Variants in GREB1L observed in about 807,000 individuals in gnomAD.
GREB1L encodes the protein GREB1-like protein.
Under a neutral mutation model 200.8 loss-of-function variants are expected in GREB1L, and 17 were observed. The ratio of observed to expected loss-of-function variants is 0.08; its 90% CI spans 0.06 to 0.13. GREB1L has a LOEUF of 0.13. Ranked by LOEUF, GREB1L falls within the 10% of genes least tolerant of loss-of-function variation. The probability of loss-of-function intolerance (pLI) is 1.00; values close to 1 mark genes in which losing one functional copy is unlikely to be tolerated. For synonymous variants in GREB1L, 789 were observed against 893.0 expected (o/e 0.88, Z 2.08); for missense variants, 1,657 against 2,367.7 (o/e 0.70, Z 6.23).
intron 28 of GREB1L, among the ~76,000 whole-genome samples, chr18:21,514,701 T>C (rs1162646913): frequency 6.6e-6 from 1 of 152,162 alleles, no homozygotes; most frequent in African/African-American, 2.4e-5. Flanking sequence ...CCTCCCAAAG[T>C]GTTGGGATTA....
intron 1 of GREB1L, among the ~76,000 whole-genome samples, chr18:21,332,665 G>A (rs992270950): frequency 6.6e-6 from 1 of 151,954 alleles, no homozygotes; most frequent in African/African-American, 2.4e-5. Context: ...AGTAGAGGTG[G>A]GTTTTCACCA....
intron 5 of GREB1L, among the ~76,000 whole-genome samples, 158 bp downstream of exon 5, chr18:21,395,719 CT>C (rs939042799): frequency 6.9e-4 from 100 of 144,864 alleles, no homozygotes; most frequent in East Asian, 1.4e-3. Flanking sequence ...TTAGTAACTT[CT>C]TTTTTTTTTT....
intron 1 of GREB1L, among the ~76,000 whole-genome samples, chr18:21,324,840 A>G (rs1386012883): frequency 6.6e-6 from 1 of 152,170 alleles, no homozygotes; most frequent in Non-Finnish European, 1.5e-5. Context: ...AAATGCTTCT[A>G]AGGAGAATTA....
intron 1 of GREB1L, among the ~76,000 whole-genome samples, chr18:21,251,850 CAGG>C: frequency 6.7e-6 from 1 of 148,528 alleles, no homozygotes; most frequent in East Asian, 2.0e-4. Flanking sequence ...GAGGCTGAGG[CAGG>C]AGAATCGCTT....
chr18:21,398,499 T>G (rs758407857), intron 5 of GREB1L, among the ~76,000 whole-genome samples: 11 of 152,206 alleles, frequency 7.2e-5, no homozygotes, highest in Non-Finnish European at 2.9e-5. Flanking sequence ...AATTTTTTAC[T>G]AACCACTTCT....
chr18:21,303,135 A>T (rs1340587413), intron 1 of GREB1L, among the ~76,000 whole-genome samples: 9 of 152,162 alleles, frequency 5.9e-5, no homozygotes, highest in Non-Finnish European at 8.8e-5. Flanking sequence ...GGGAGCCACC[A>T]TGCCCAGCCC....
intron 12 of GREB1L, 148 bp from the exon 13 acceptor site, chr18:21,450,875 G>T (rs1429655310): frequency 1.6e-6 from 1 of 637,582 alleles, no homozygotes; most frequent in East Asian, 2.8e-5. Context: ...CTATATAATT[G>T]TCCATACCTT....
rs150366236 is a variant in GREB1L at position 21,369,693 on chromosome 18, T to G, written c.-10+3557T>G. 3.9e-5 allele frequency among the ~76,000 whole-genome samples: 6 copies of G among 152,258 alleles called. No individual in the cohort carries two copies. In the East Asian group the frequency reaches 1.2e-3, roughly 29 times the overall value. On this transcript the variant is annotated intron_variant, in intron 2 of 32. Coordinates refer to ENST00000424526, the MANE Select transcript of GREB1L (RefSeq NM_001142966.3). ...TAGGATTAAGTTAATAGGGTTGGGT[T>G]TTTATTTGAATACCTAAAATACTTT...
At chr18:21,397,324 C>T (rs1432309272) in intron 5 of GREB1L, among the ~76,000 whole-genome samples, 1 of 151,078 alleles carries the variant, frequency 6.6e-6, no homozygotes, top group African/African-American at 2.4e-5. Flanking sequence ...AACCCCGTCT[C>T]TACTAAAAAA....
chr18:21,314,473 C>A (rs2038838598), intron 1 of GREB1L, among the ~76,000 whole-genome samples: 1 of 152,092 alleles, frequency 6.6e-6, no homozygotes, highest in Non-Finnish European at 1.5e-5. Flanking sequence ...TGATAAGTGT[C>A]TGTTGAATAG....
chr18:21,494,067 C>A (rs2036449972), intron 19 of GREB1L, among the ~76,000 whole-genome samples: 1 of 151,992 alleles, frequency 6.6e-6, no homozygotes, highest in Non-Finnish European at 1.5e-5. Context: ...AAAGTGATTT[C>A]TATTCCAGAA....
At chr18:21,446,911 A>G (rs940313068) in intron 11 of GREB1L, among the ~76,000 whole-genome samples, 5 of 152,222 alleles carry the variant, frequency 3.3e-5, no homozygotes, top group Non-Finnish European at 5.9e-5. Flanking sequence ...AAATCTTTGA[A>G]GTAGATAATG....
chr18:21,360,980 A>G (rs2039572271), intron 1 of GREB1L, among the ~76,000 whole-genome samples: 2 of 152,218 alleles, frequency 1.3e-5, no homozygotes, highest in Admixed American at 1.3e-4. Context: ...TTGGATAACA[A>G]GGGTAGAATA....
intron 5 of GREB1L, among the ~76,000 whole-genome samples, chr18:21,399,453 T>TGGATGGATGGA (rs2041220148): frequency 6.8e-6 from 1 of 146,086 alleles, no homozygotes; most frequent in South Asian, 2.2e-4. Context: ...GGATGGATGG[T>TGGATGGATGGA]TGGATGGATG....
chr18:21,341,669 G>A (rs2039272253), intron 1 of GREB1L, among the ~76,000 whole-genome samples: 1 of 152,106 alleles, frequency 6.6e-6, no homozygotes, highest in Admixed American at 6.6e-5. Context: ...CACCACACCT[G>A]GCTACTTATT....
chr18:21,300,411 C>G (rs2038598674), intron 1 of GREB1L, among the ~76,000 whole-genome samples: 2 of 152,204 alleles, frequency 1.3e-5, no homozygotes, highest in African/African-American at 4.8e-5. Context: ...AGAAATTATA[C>G]AAATAGAAAC....
chr18:21,365,869 T>G (rs2039666247), intron 1 of GREB1L, among the ~76,000 whole-genome samples, 158 bp from the exon 2 acceptor site: 1 of 152,130 alleles, frequency 6.6e-6, no homozygotes, highest in African/African-American at 2.4e-5. Flanking sequence ...TATTTGCTCA[T>G]TATAATGTAT....
chr18:21,342,733 A>C (rs544281732), intron 1 of GREB1L, among the ~76,000 whole-genome samples: 1 of 152,126 alleles, frequency 6.6e-6, no homozygotes, highest in Admixed American at 6.6e-5. Flanking sequence ...AGCCACAGGG[A>C]TTTCATTTTG....
At chr18:21,333,947 A>G (rs2145070832) in intron 1 of GREB1L, among the ~76,000 whole-genome samples, 1 of 151,312 alleles carries the variant, frequency 6.6e-6, no homozygotes, top group East Asian at 2.0e-4. Context: ...GTGCCATTGT[A>G]CTCCAGCCTT....
Sources: allele counts gnomAD v4.1 joint callset (sites outside exome capture counted in the v4.1 genomes callset), GRCh38; gene constraint gnomAD v4.1.1; transcripts MANE v1.5; gene names NCBI Gene and HGNC (gene_info 2026-07-23, HGNC 2026-07-21).